HEATR5B: variants seen among roughly 807,000 people sequenced by gnomAD.
HEATR5B encodes the protein HEAT repeat containing 5B.
HEATR5B carries 156 observed loss-of-function variants against 224.1 expected under a neutral mutation model. The ratio of observed to expected loss-of-function variants is 0.70; its 90% CI spans 0.61 to 0.80. The LOEUF is 0.80. HEATR5B is among the 30% of genes least tolerant of loss of function. The pLI is 0.00. For missense variants in HEATR5B, 2,323 were observed against 2,535.5 expected, an observed-to-expected ratio of 0.92 and a Z score of 1.80; for synonymous variants, 1,027 against 893.0, an observed-to-expected ratio of 1.15 and a Z score of -2.68.
intron 31 of HEATR5B, 115 bp downstream of exon 31, chr2:37,003,427 C>T: frequency 1.4e-6 from 1 of 725,400 alleles, no homozygotes; most frequent in East Asian, 2.9e-5. Flanking sequence ...CCGAATGAGA[C>T]CCTGCCTCTA....
chr2:37,054,117 T>C (rs946556603), intron 16 of HEATR5B, among the ~76,000 whole-genome samples: 4 of 151,360 alleles, frequency 2.6e-5, no homozygotes, highest in Non-Finnish European at 4.4e-5. Flanking sequence ...CAGAAGTGAA[T>C]TGTTTTTTAT....
chr2:37,029,645 C>T (rs529841703), intron 22 of HEATR5B, among the ~76,000 whole-genome samples: 6 of 150,516 alleles, frequency 4.0e-5, no homozygotes, highest in African/African-American at 1.5e-4. Context: ...GCCTGGACCA[C>T]AAGAGTGAAA....
chr2:37,051,223 G>A (rs1670523720), intron 17 of HEATR5B, among the ~76,000 whole-genome samples: 1 of 151,544 alleles, frequency 6.6e-6, no homozygotes, highest in Non-Finnish European at 1.5e-5. Flanking sequence ...GGGCATGATG[G>A]CGCGTGCCTA....
intron 17 of HEATR5B, among the ~76,000 whole-genome samples, chr2:37,051,045 CA>C (rs1230416331): frequency 2.9e-5 from 4 of 138,724 alleles, no homozygotes; most frequent in African/African-American, 8.1e-5. Context: ...ACTCCGTCTC[CA>C]AAAAAAATAA....
chr2:37,015,931 A>G (rs1668084765), intron 26 of HEATR5B, among the ~76,000 whole-genome samples: 1 of 152,156 alleles, frequency 6.6e-6, no homozygotes, highest in Non-Finnish European at 1.5e-5. Flanking sequence ...CAGATGGAAC[A>G]TAGTTACAAT....
chr2:37,071,291 G>T (rs979111333), intron 6 of HEATR5B, among the ~76,000 whole-genome samples: 1 of 152,184 alleles, frequency 6.6e-6, no homozygotes, highest in Admixed American at 6.5e-5. Flanking sequence ...ATGATACAGA[G>T]GTGGGGTAGA....
intron 18 of HEATR5B, among the ~76,000 whole-genome samples, chr2:37,041,729 A>G (rs1457880820): frequency 1.3e-5 from 2 of 151,630 alleles, no homozygotes; most frequent in Non-Finnish European, 2.9e-5. Flanking sequence ...TGGGTGATAG[A>G]GCAGGACCCT....
chr2:37,002,402 T>A lies in HEATR5B; in HGVS notation c.5221A>T (p.Ile1741Leu), dbSNP rs543310504. The A allele has an allele frequency of 3.7e-6, 6 of 1,614,262 alleles. No homozygotes were observed. The African/African-American group carries it at 8.0e-5, about 22-fold the overall frequency. ...STKVSDSPSH[I>L]ATKTRLSEES... ...TCTGATAGTCGAGTTTTAGTGGCTA[T>A]GTGACTTGGAGAGTCTGACACCTTG... Residue 1741 changes from isoleucine (I) to leucine (L), a missense_variant, in exon 32 of 36, where the codon ATA (isoleucine) becomes TTA (leucine). By Grantham distance (5) the Ile-to-Leu change is conservative. Around this residue, in one of 12 missense-constraint regions of HEATR5B, gnomAD observed 844 missense variants for 812.9 expected, o/e 1.04. Transcript: ENST00000233099.
chr2:37,052,465 A>G (rs1159798819), intron 17 of HEATR5B, among the ~76,000 whole-genome samples: 3 of 152,366 alleles, frequency 2.0e-5, no homozygotes, highest in Middle Eastern at 6.8e-3. Flanking sequence ...GCGATGGGAC[A>G]GCAAAACTAA....
chr2:36,985,536 C>A (rs1665893177), intron 35 of HEATR5B, among the ~76,000 whole-genome samples: 1 of 147,054 alleles, frequency 6.8e-6, no homozygotes, highest in African/African-American at 2.5e-5. Flanking sequence ...CGGCTCACTG[C>A]AACCTCTGCC....
intron 14 of HEATR5B, among the ~76,000 whole-genome samples, 186 bp from the exon 15 acceptor site, chr2:37,057,666 T>C (rs540845766): frequency 1.1e-4 from 17 of 152,308 alleles, no homozygotes; most frequent in African/African-American, 2.4e-4. Context: ...CTTTCATATA[T>C]TGTATTGTGT....
chr2:37,064,007 T>G (rs1167721520), intron 10 of HEATR5B, among the ~76,000 whole-genome samples: 1 of 152,076 alleles, frequency 6.6e-6, no homozygotes, highest in Non-Finnish European at 1.5e-5. Context: ...AGAGACAAGG[T>G]TTCACCATGT....
chr2:37,077,733 T>C (rs947305595), intron 3 of HEATR5B, among the ~76,000 whole-genome samples: 1 of 152,234 alleles, frequency 6.6e-6, no homozygotes, highest in Non-Finnish European at 1.5e-5. Flanking sequence ...ATTTACTGTG[T>C]TGTAACTTGA....
intron 13 of HEATR5B, 23 bp from the exon 14 acceptor site, chr2:37,058,583 G>C (rs757401155): frequency 5.3e-5 from 78 of 1,481,902 alleles, no homozygotes; most frequent in Non-Finnish European, 6.8e-5. Flanking sequence ...AAACATAGTT[G>C]GTAATGGCTT....
chr2:37,066,687 G>T (rs185900462), intron 8 of HEATR5B, among the ~76,000 whole-genome samples: 1 of 151,542 alleles, frequency 6.6e-6, no homozygotes, highest in Non-Finnish European at 1.5e-5. Flanking sequence ...TCCCCAATAC[G>T]TATCATTATA....
At position 37,084,043 on chromosome 2, in the gene HEATR5B, C is replaced by G. The variant is rs546176571; in HGVS notation, c.-23+226G>C. Among the ~76,000 whole-genome samples, 30 of 152,338 alleles carry G rather than the reference C, an allele frequency of 2.0e-4. No individual in the cohort carries two copies. The South Asian group carries it at 4.6e-3, about 23-fold the overall frequency. The stretch of plus-strand genomic sequence containing the variant: ...CTCGGGGTCTGGCTTCACCTGGCTA[C>G]TCCAAGAACCGCAAGCGGCGGACCC... On this transcript the variant is annotated intron_variant, in intron 1 of 35. Coordinates refer to ENST00000233099, the MANE Select transcript of HEATR5B (RefSeq NM_019024.3).
At position 37,058,484 on chromosome 2, in the gene HEATR5B, T is replaced by C. The variant is rs1671052321; in HGVS notation, c.2026A>G (p.Ile676Val). The C allele has an allele frequency of 1.2e-6, 2 of 1,612,426 alleles. No homozygotes were observed. Among genetic ancestry groups the C allele is most frequent in the Non-Finnish European group, 1.7e-6 (2 of 1,178,714 alleles). The change falls in exon 14 of 36, where the codon ATC becomes GTC. Residue 676 changes from isoleucine (I) to valine (V), a missense_variant. Ile to Val is a conservative substitution (Grantham distance 29). Around this residue, in one of 12 missense-constraint regions of HEATR5B, gnomAD observed 502 missense variants for 517.8 expected, o/e 0.97. Coordinates refer to ENST00000233099, the MANE Select transcript of HEATR5B (RefSeq NM_019024.3). The part of the protein sequence containing the change: ...AAMVRLRLYD[I>V]LALLPPKTYE... ...GTTTTTGGAGGTAACAAAGCCAAGA[T>C]ATCATAAAGTCTTAAACGGACCATT...
At chr2:36,984,217 T>TAA (rs1665790047) in intron 35 of HEATR5B, among the ~76,000 whole-genome samples, 1 of 64,434 alleles carries the variant, frequency 1.6e-5, no homozygotes, top group African/African-American at 7.2e-5. Context: ...AAAAAAAAAA[T>TAA]ATATATATAT....
chr2:37,020,746 A>T lies in HEATR5B; in HGVS notation c.3944T>A (p.Leu1315His). 2.5e-6 allele frequency: 4 copies of T among 1,610,394 alleles called. No homozygotes were observed. Among genetic ancestry groups the T allele is most frequent in the Non-Finnish European group, 3.4e-6 (4 of 1,179,296 alleles). Residue 1315 changes from leucine (L) to histidine (H), a missense_variant, in exon 25 of 36, where the codon CTC becomes CAC. Leu to His is a moderately conservative substitution (Grantham distance 99, BLOSUM62 -3). This residue lies in a region of HEATR5B where 339 missense variants were observed against 378.4 expected (regional missense o/e 0.90). Transcript: ENST00000233099. ...CTTGATAATGTCTTCAAGCGCCTGG[A>T]GCCCAGCCATTCGCAGCTGGTTGCT... ...DHSNQLRMAG[L>H]QALEDIIKKF...
Sources: allele counts gnomAD v4.1 joint callset (sites outside exome capture counted in the v4.1 genomes callset), GRCh38; gene constraint gnomAD v4.1.1; regional missense constraint gnomAD v4.1.1; transcripts MANE v1.5; gene names NCBI Gene and HGNC (gene_info 2026-07-23, HGNC 2026-07-21).